The following FUT8 variants were observed in gnomAD, a reference collection of about 807,000 sequenced individuals.
FUT8 encodes the protein alpha-(1,6)-fucosyltransferase.
A neutral mutation model predicts 71.3 loss-of-function variants in FUT8; 29 were observed. The ratio of observed to expected loss-of-function variants is 0.41; its 90% CI spans 0.30 to 0.55. The LOEUF (loss-of-function observed/expected upper bound fraction) is 0.55. FUT8 is among the 20% of genes least tolerant of loss of function. The pLI is 0.34. For synonymous variants in FUT8, 254 were observed against 239.3 expected (o/e 1.06, Z -0.57); for missense variants, 544 against 702.1 (o/e 0.77, Z 2.55).
At chr14:65,733,183 G>A (rs1454876848) in intron 9 of FUT8, 48 bp from the exon 10 acceptor site, 9 of 1,242,766 alleles carry the variant, frequency 7.2e-6, no homozygotes, top group Non-Finnish European at 9.0e-6. Flanking sequence ...CCTTCTGATA[G>A]GATACTGTGA....
intron 1 of FUT8, among the ~76,000 whole-genome samples, chr14:65,434,465 G>A (rs1201782332): frequency 6.6e-6 from 1 of 152,222 alleles, no homozygotes; most frequent in Non-Finnish European, 1.5e-5. Flanking sequence ...ATCGGGGGTA[G>A]TGTCAGTTCC....
At chr14:65,383,152 G>A in the FUT8 span, among the ~76,000 whole-genome samples, 833 of 151,644 alleles carry the variant, frequency 5.5e-3, 3 homozygotes, top group Non-Finnish European at 8.8e-3. Context: ...CTGCCTTCAG[G>A]CTCTTTCCTA....
At chr14:65,536,708 T>C (rs79542124) in intron 2 of FUT8, among the ~76,000 whole-genome samples, 2,279 of 152,310 alleles carry the variant, frequency 0.015, 19 homozygotes, top group South Asian at 0.024. Flanking sequence ...TTCAGCCTCA[T>C]AGAATCTGAT....
chr14:65,503,063 C>T (rs142936251), intron 2 of FUT8, among the ~76,000 whole-genome samples: 1,831 of 152,252 alleles, frequency 0.012, 15 homozygotes, highest in South Asian at 0.024. Context: ...TAAGCCTGCC[C>T]GTCTAGAAAT....
At chr14:65,563,413 G>A (rs926611794) in intron 3 of FUT8, among the ~76,000 whole-genome samples, 21 of 151,896 alleles carry the variant, frequency 1.4e-4, no homozygotes, top group African/African-American at 5.1e-4. Flanking sequence ...AATTTAATTT[G>A]CTGAAGGTCA....
chr14:65,582,701 T>C (rs1887157447), intron 3 of FUT8, among the ~76,000 whole-genome samples: 1 of 152,234 alleles, frequency 6.6e-6, no homozygotes, highest in Non-Finnish European at 1.5e-5. Flanking sequence ...ATTTGTCTTT[T>C]AGCTGAATCT....
intron 6 of FUT8, among the ~76,000 whole-genome samples, chr14:65,667,918 A>T (rs183567651): frequency 6.6e-6 from 1 of 152,242 alleles, no homozygotes; most frequent in Non-Finnish European, 1.5e-5. Flanking sequence ...AAATAAAGTC[A>T]TATACCTACA....
At chr14:65,641,242 G>A (rs533125406) in intron 6 of FUT8, among the ~76,000 whole-genome samples, 12 of 152,190 alleles carry the variant, frequency 7.9e-5, no homozygotes, top group Admixed American at 3.3e-4. Context: ...TTTGTGTTTC[G>A]TAGAATTGTA....
chr14:65,497,844 C>G (rs2066583207), intron 2 of FUT8, among the ~76,000 whole-genome samples: 2 of 151,820 alleles, frequency 1.3e-5, no homozygotes, highest in Non-Finnish European at 2.9e-5. Context: ...ATATTTTACT[C>G]AGTTTATAGT....
At chr14:65,613,224 A>C (rs1889099537) in intron 3 of FUT8, among the ~76,000 whole-genome samples, 1 of 152,196 alleles carries the variant, frequency 6.6e-6, no homozygotes, top group Non-Finnish European at 1.5e-5. Context: ...GAAAGAGATA[A>C]AAAGGAGAAC....
At chr14:65,699,423 T>C (rs1894174319) in intron 7 of FUT8, among the ~76,000 whole-genome samples, 1 of 152,146 alleles carries the variant, frequency 6.6e-6, no homozygotes. Context: ...AGAAATAATA[T>C]TTCTAAGCAT....
chr14:65,462,414 T>C (rs7140695), intron 2 of FUT8, among the ~76,000 whole-genome samples: 104,761 of 152,070 alleles, frequency 0.69, 36,335 homozygotes, highest in East Asian at 0.86. Context: ...GCTGAGTTCA[T>C]AAAATGAAAT....
At chr14:65,418,951 G>T (rs146434576) in intron 1 of FUT8, among the ~76,000 whole-genome samples, 1 of 152,094 alleles carries the variant, frequency 6.6e-6, no homozygotes, top group African/African-American at 2.4e-5. Flanking sequence ...TTTATAGGCC[G>T]GGCGCGGTGG....
intron 6 of FUT8, among the ~76,000 whole-genome samples, chr14:65,642,602 C>CAAAAA (rs71126774): frequency 5.2e-5 from 5 of 95,646 alleles, no homozygotes; most frequent in Non-Finnish European, 6.4e-5. Context: ...GACTCCGTCT[C>CAAAAA]AAAAAAAAAA....
At chr14:65,485,708 CG>C (rs2066398980) in intron 2 of FUT8, among the ~76,000 whole-genome samples, 1 of 152,186 alleles carries the variant, frequency 6.6e-6, no homozygotes, top group African/African-American at 2.4e-5. Context: ...TTGTTCTCTG[CG>C]TAGCCACCCT....
At chr14:65,572,681 G>C (rs1390859444) in intron 3 of FUT8, among the ~76,000 whole-genome samples, 1 of 152,088 alleles carries the variant, frequency 6.6e-6, no homozygotes, top group Non-Finnish European at 1.5e-5. Context: ...TCATTAAGCA[G>C]ACTTAGCAAG....
intron 7 of FUT8, among the ~76,000 whole-genome samples, chr14:65,708,103 T>C (rs372688583): frequency 5.3e-5 from 8 of 152,336 alleles, no homozygotes; most frequent in African/African-American, 1.9e-4. Context: ...TCATCTTGAA[T>C]TGTAATTCCC....
intron 7 of FUT8, among the ~76,000 whole-genome samples, chr14:65,716,431 CTT>C (rs201105372): frequency 3.0e-5 from 3 of 99,236 alleles, no homozygotes; most frequent in Admixed American, 9.9e-5. Context: ...GACAGGATTT[CTT>C]TTTTTTTTTT....
intron 5 of FUT8, among the ~76,000 whole-genome samples, chr14:65,621,759 C>T (rs1889626517): frequency 6.6e-6 from 1 of 152,182 alleles, no homozygotes; most frequent in African/African-American, 2.4e-5. Flanking sequence ...CAGGGTTTCT[C>T]CATGTTGGCC....
Sources: gnomAD v4.1 joint callset for allele counts (sites outside exome capture counted in the v4.1 genomes callset) on GRCh38, gnomAD v4.1.1 for gene constraint, MANE v1.5 for transcripts, NCBI Gene and HGNC (gene_info 2026-07-23, HGNC 2026-07-21) for gene names.